The following FOXP1 variants were observed in gnomAD, a reference collection of about 807,000 sequenced individuals.
The protein encoded by FOXP1 is forkhead box protein P1.
A neutral mutation model predicts 98.2 loss-of-function variants in FOXP1; 15 were observed. The observed-to-expected ratio is 0.15, with a 90% CI of 0.10 to 0.24. The LOEUF is 0.24. Among genes scored for constraint, FOXP1 ranks in the 10% least tolerant of loss-of-function variants. FOXP1 has a pLI of 1.00. For missense variants in FOXP1, 633 were observed against 848.5 expected (o/e 0.75, Z 3.15); for synonymous variants, 371 against 314.5 (o/e 1.18, Z -1.90).
At position 71,311,245 on chromosome 3, in the gene FOXP1, T is replaced by A. The variant is rs1406612051; in HGVS notation, c.-72-11365A>T. On this transcript the variant is annotated intron_variant, in intron 4 of 20. Transcript: ENST00000649528. ...CTGGGTCTAGAGGCACGTGCCACCA[T>A]GCCTCACTAGTTTTTTCAATTTTTT... 2.6e-5 allele frequency among the ~76,000 whole-genome samples: 4 copies of A among 152,216 alleles called. No homozygotes were observed. In the East Asian group the frequency reaches 7.7e-4, roughly 29 times the overall value.
intron 5 of FOXP1, among the ~76,000 whole-genome samples, chr3:71,272,491 T>C (rs2070461209): frequency 6.6e-6 from 1 of 152,042 alleles, no homozygotes; most frequent in South Asian, 2.1e-4. Flanking sequence ...GAAGATGGCC[T>C]CAGTAATAGA....
chr3:71,260,492 A>T (rs1203443345), intron 5 of FOXP1, among the ~76,000 whole-genome samples: 1 of 152,058 alleles, frequency 6.6e-6, no homozygotes, highest in Non-Finnish European at 1.5e-5. Flanking sequence ...GCATGCAATA[A>T]GTAATTTAAT....
At chr3:71,174,692 G>A (rs1393484856) in intron 6 of FOXP1, among the ~76,000 whole-genome samples, 1 of 151,848 alleles carries the variant, frequency 6.6e-6, no homozygotes, top group Non-Finnish European at 1.5e-5. Flanking sequence ...TCCATAAAAT[G>A]TGAGTCTGGA....
intron 3 of FOXP1, among the ~76,000 whole-genome samples, chr3:71,369,792 G>C (rs2079171994): frequency 1.3e-5 from 2 of 152,262 alleles, no homozygotes; most frequent in South Asian, 4.1e-4. Context: ...AACTCAGAGG[G>C]AAAGCATCCA....
At chr3:71,226,458 T>A (rs2065842618) in intron 5 of FOXP1, among the ~76,000 whole-genome samples, 1 of 106,790 alleles carries the variant, frequency 9.4e-6, no homozygotes, top group Non-Finnish European at 2.5e-5. Context: ...CCGGCAGCCA[T>A]CCTGAAAATG....
Position 71,133,945 on chromosome 3 carries a change from T to C in FOXP1, c.181-21308A>G, listed in dbSNP as rs537118808. Among the ~76,000 whole-genome samples the C allele has an allele frequency of 3.9e-5, 6 of 152,314 alleles. No homozygotes were observed. In the South Asian group the frequency reaches 1.0e-3, roughly 26 times the overall value. ...TAAGTGCATTCATTTAAATTTTAAA[T>C]TGAATATTTTTCACAGCTGTAATAC... On this transcript the variant is annotated intron_variant, in intron 6 of 20. Transcript: ENST00000649528.
At chr3:71,325,434 G>C (rs1268283686) in intron 4 of FOXP1, among the ~76,000 whole-genome samples, 1 of 152,064 alleles carries the variant, frequency 6.6e-6, no homozygotes, top group East Asian at 1.9e-4. Flanking sequence ...GTCTGAGATT[G>C]CCAGCTTGTC....
At chr3:71,246,243 A>G (rs940747466) in intron 5 of FOXP1, among the ~76,000 whole-genome samples, 1 of 152,204 alleles carries the variant, frequency 6.6e-6, no homozygotes, top group Non-Finnish European at 1.5e-5. Flanking sequence ...GTGCTTCGGT[A>G]GCGGCCAGCC....
chr3:71,551,238 C>T (rs1438891309), intron 2 of FOXP1, among the ~76,000 whole-genome samples: 2 of 152,106 alleles, frequency 1.3e-5, no homozygotes, highest in African/African-American at 4.8e-5. Flanking sequence ...GTTCCATCCA[C>T]AAAAACATTC....
In FOXP1 at chr3:71,326,076, A is replaced by G. The variant is rs187130300; in HGVS notation, c.-72-26196T>C. Among the ~76,000 whole-genome samples, 1,124 of 152,328 alleles carry G rather than the reference A, an allele frequency of 7.4e-3. 30 individuals are homozygous for G. The highest frequency in any genetic ancestry group is 4.7e-3 in the Non-Finnish European group (321 of 68,034). On this transcript the variant is annotated intron_variant, in intron 4 of 20. Transcript: ENST00000649528. ...TCTCTTTCTTGCTTTCAAGTAGAAA[A>G]AAAAAGCCACCAAATTTCTCTTTTC...
chr3:71,146,954 T>C (rs72949386), intron 6 of FOXP1, among the ~76,000 whole-genome samples: 2 of 152,182 alleles, frequency 1.3e-5, no homozygotes, highest in African/African-American at 4.8e-5. Flanking sequence ...TGGCGCCCAG[T>C]GAGCAAGGTT....
At chr3:71,484,755 A>G (rs2090530673) in intron 3 of FOXP1, among the ~76,000 whole-genome samples, 1 of 152,132 alleles carries the variant, frequency 6.6e-6, no homozygotes. Flanking sequence ...CCTGTGTCTC[A>G]GTGTGGGCCC....
chr3:71,474,385 T>C (rs572387142), intron 3 of FOXP1, among the ~76,000 whole-genome samples: 2 of 152,170 alleles, frequency 1.3e-5, no homozygotes, highest in Non-Finnish European at 2.9e-5. Flanking sequence ...TCTAGACAGA[T>C]TTCTGACCCT....
intron 7 of FOXP1, among the ~76,000 whole-genome samples, chr3:71,086,226 C>T (rs1221789903): frequency 6.6e-6 from 1 of 152,156 alleles, no homozygotes; most frequent in Non-Finnish European, 1.5e-5. Flanking sequence ...AAACCTGAAA[C>T]CAGTGTCTCA....
At chr3:71,450,713 T>C (rs2086867366) in intron 3 of FOXP1, among the ~76,000 whole-genome samples, 1 of 152,088 alleles carries the variant, frequency 6.6e-6, no homozygotes, top group Non-Finnish European at 1.5e-5. Flanking sequence ...ATAAAATAAG[T>C]AGTAAGTGAT....
intron 6 of FOXP1, among the ~76,000 whole-genome samples, chr3:71,115,717 C>T (rs928486661): frequency 6.7e-6 from 1 of 148,168 alleles, no homozygotes; most frequent in African/African-American, 2.5e-5. Context: ...AAAACATTCA[C>T]ACATACACAC....
At chr3:71,320,410 A>C (rs1463594895) in intron 4 of FOXP1, among the ~76,000 whole-genome samples, 1 of 151,796 alleles carries the variant, frequency 6.6e-6, no homozygotes, top group African/African-American at 2.4e-5. Context: ...CACCCTGTAC[A>C]GTCTTGTCTC....
chr3:71,361,077 G>T (rs374717336), intron 3 of FOXP1, among the ~76,000 whole-genome samples: 1 of 152,180 alleles, frequency 6.6e-6, no homozygotes, highest in South Asian at 2.1e-4. Flanking sequence ...TTAATGTGCT[G>T]TGTGGGCATT....
chr3:71,566,484 A>C (rs145333760), intron 2 of FOXP1, among the ~76,000 whole-genome samples: 6 of 152,296 alleles, frequency 3.9e-5, no homozygotes, highest in African/African-American at 1.2e-4. Context: ...CTAATGTTTG[A>C]CCCAACTAAA....
Sources: gnomAD v4.1 joint callset for allele counts (sites outside exome capture counted in the v4.1 genomes callset) on GRCh38, gnomAD v4.1.1 for gene constraint, MANE v1.5 for transcripts, NCBI Gene and HGNC (gene_info 2026-07-23, HGNC 2026-07-21) for gene names.